The following ABCB5 variants were observed in gnomAD, a reference collection of about 807,000 sequenced individuals.
ABCB5 encodes the protein ATP-binding cassette sub-family B member 5.
Under a neutral mutation model 144.2 loss-of-function variants are expected in ABCB5, and 155 were observed. The observed-to-expected ratio is 1.08, with a 90% CI of 0.94 to 1.23. The LOEUF is 1.23. Among genes scored for constraint, ABCB5 ranks in the 50% most tolerant of loss-of-function variants. The pLI is 0.00. For missense variants in ABCB5, 1,830 were observed against 1,520.8 expected (o/e 1.20, Z -3.38); for synonymous variants, 610 against 528.6 (o/e 1.15, Z -2.11).
chr7:20,751,329 A>G (rs936672692), intron 26 of ABCB5, among the ~76,000 whole-genome samples: 4 of 152,118 alleles, frequency 2.6e-5, no homozygotes, highest in Non-Finnish European at 4.4e-5. Flanking sequence ...AAAATTAGCC[A>G]GGCGTGGTGG....
intron 9 of ABCB5, 112 bp from the exon 10 acceptor site, chr7:20,647,423 C>T: frequency 1.4e-6 from 2 of 1,386,996 alleles, no homozygotes; most frequent in Non-Finnish European, 9.3e-7. Flanking sequence ...TCTTTCTTAC[C>T]TAATTCCTCT....
At chr7:20,689,942 G>A (rs910450007) in intron 16 of ABCB5, among the ~76,000 whole-genome samples, 3 of 152,178 alleles carry the variant, frequency 2.0e-5, no homozygotes, top group Admixed American at 1.3e-4. Context: ...ACTAACGACA[G>A]GGGTAGGCAG....
At chr7:20,681,468 T>C (rs1336739702) in intron 14 of ABCB5, 37 bp from the exon 15 acceptor site, 7 of 1,608,246 alleles carry the variant, frequency 4.4e-6, no homozygotes, top group African/African-American at 1.3e-5. Flanking sequence ...TTATTTCTAC[T>C]AATGTCTATT....
rs185777564 is a variant in ABCB5, at chr7:20,733,677, C to T, written c.2867+5222C>T. 6.0e-3 allele frequency among the ~76,000 whole-genome samples: 909 copies of T among 150,560 alleles called. 7 individuals are homozygous for T. The highest frequency in any genetic ancestry group is 0.021 in the African/African-American group (853 of 40,948). On this transcript the variant is annotated intron_variant, in intron 23 of 27. Coordinates refer to ENST00000404938, the MANE Select transcript of ABCB5 (RefSeq NM_001163941.2). ...TTTTTAAGTTCGAGTCTCGCTCTGT[C>T]GCCCATGCTGGAGTGCAGTGGCACG...
rs560320066 is a variant in ABCB5, at chr7:20,688,725, C to T, written c.2010+2889C>T. Among the ~76,000 whole-genome samples the T allele has an allele frequency of 5.0e-3, 762 of 151,878 alleles. 3 individuals are homozygous for T. The highest frequency in any genetic ancestry group is 0.018 in the African/African-American group (731 of 41,388). On this transcript the variant is annotated intron_variant, in intron 16 of 27. Coordinates refer to ENST00000404938, the MANE Select transcript of ABCB5 (RefSeq NM_001163941.2). ...CAAAGACTTGGAACCAACCCAAATG[C>T]CCATCAATGATAGACTGGATTAAGA...
Position 20,743,063 on chromosome 7 carries a change from C to T in ABCB5, c.3211C>T (p.Gln1071Ter). ...QLLQRLYDPV[Q>*]GQVLFDGVDA... ...TCTGCAGAGACTTTATGACCCCGTG[C>T]AAGGACAAGTGGTAAGACAGAACTG... is the stretch of plus-strand genomic sequence containing the variant. Residue 1071 changes from glutamine to a stop codon, truncating the protein, a stop_gained, in exon 25 of 28, where the codon CAA becomes TAA. Coordinates refer to ENST00000404938, the MANE Select transcript of ABCB5 (RefSeq NM_001163941.2). LOFTEE classifies it high-confidence loss of function. The T allele has an allele frequency of 6.2e-7, 1 of 1,613,916 alleles. No homozygotes were observed. The highest frequency in any genetic ancestry group is 8.5e-7 in the Non-Finnish European group (1 of 1,179,882).
Position 20,712,019 on chromosome 7 carries a change from C to T in ABCB5, c.2421+7212C>T, listed in dbSNP as rs184952732. Among the ~76,000 whole-genome samples, 1,031 of 144,072 alleles carry T rather than the reference C, an allele frequency of 7.2e-3. 63 individuals carry two copies. The highest frequency in any genetic ancestry group is 0.017 in the South Asian group (73 of 4,424). The allele number at this position is 144,072 out of a possible 152,430, so 94.5% of individuals were successfully genotyped here. On this transcript the variant is annotated intron_variant, in intron 20 of 27. Transcript: ENST00000404938. ...CTTTGGGAGGCCGAGGCGGGTGGAC[C>T]ACGAGGTCAGGAGATTGAAACCATC...
chr7:20,660,054 C>T (rs1258640467), intron 14 of ABCB5: 2 of 985,224 alleles, frequency 2.0e-6, no homozygotes, highest in Admixed American at 6.2e-5. Flanking sequence ...ATGTTGTGCC[C>T]GCAGTATTTT....
intron 23 of ABCB5, among the ~76,000 whole-genome samples, chr7:20,734,897 A>T (rs1461908144): frequency 6.6e-6 from 1 of 152,216 alleles, no homozygotes; most frequent in Non-Finnish European, 1.5e-5. Context: ...ATTTCACTAT[A>T]AATGTGTAGA....
At chr7:20,714,458 G>C (rs28483721) in intron 20 of ABCB5, among the ~76,000 whole-genome samples, 4,314 of 151,706 alleles carry the variant, frequency 0.028, 186 homozygotes, top group African/African-American at 0.095. Context: ...CTATTTTTCT[G>C]GGTCTTTAAG....
intron 23 of ABCB5, among the ~76,000 whole-genome samples, chr7:20,732,023 G>C (rs1255157626): frequency 6.6e-6 from 1 of 152,154 alleles, no homozygotes. Flanking sequence ...ACTGAAATTT[G>C]AATAAAGCCA....
chr7:20,746,968 A>G (rs1015145197), intron 26 of ABCB5, among the ~76,000 whole-genome samples: 2 of 152,184 alleles, frequency 1.3e-5, no homozygotes, highest in African/African-American at 4.8e-5. Context: ...GCCAATAGCC[A>G]TCATACTCTC....
At chr7:20,692,575 T>C (rs1786267539) in intron 16 of ABCB5, among the ~76,000 whole-genome samples, 2 of 151,484 alleles carry the variant, frequency 1.3e-5, no homozygotes, top group Admixed American at 1.3e-4. Context: ...ATAGTAAATA[T>C]ACAAGTTACT....
chr7:20,711,853 C>CTTTCTTTTCTTTG (rs1787073650), intron 20 of ABCB5, among the ~76,000 whole-genome samples: 1 of 71,750 alleles, frequency 1.4e-5, no homozygotes, highest in Non-Finnish European at 2.6e-5. Flanking sequence ...TCTTTTCTTT[C>CTTTCTTTTCTTTG]TTTCTTTCCT....
At chr7:20,647,493 A>G in intron 9 of ABCB5, 42 bp from the exon 10 acceptor site, 1 of 1,514,298 alleles carries the variant, frequency 6.6e-7, no homozygotes, top group Non-Finnish European at 8.8e-7. Context: ...TCTTTCTTAT[A>G]TAACTGCAGA....
At chr7:20,749,076 CTCTT>C (rs1405976464) in intron 26 of ABCB5, among the ~76,000 whole-genome samples, 4 of 151,588 alleles carry the variant, frequency 2.6e-5, no homozygotes, top group Admixed American at 6.6e-5. Flanking sequence ...CCCTTTCTTT[CTCTT>C]TCTTTCTTGC....
intron 21 of ABCB5, 41 bp from the exon 22 acceptor site, chr7:20,726,999 T>A: frequency 7.1e-7 from 1 of 1,416,846 alleles, no homozygotes; most frequent in Non-Finnish European, 9.8e-7. Context: ...GATTAACCAT[T>A]ACTAATTTTA....
intron 21 of ABCB5, among the ~76,000 whole-genome samples, chr7:20,725,750 T>C (rs1386345726): frequency 6.6e-6 from 1 of 152,224 alleles, no homozygotes; most frequent in African/African-American, 2.4e-5. Flanking sequence ...AATTTTTTTA[T>C]ATTCATTCCT....
intron 15 of ABCB5, among the ~76,000 whole-genome samples, chr7:20,682,154 C>T (rs1162184220): frequency 6.6e-6 from 1 of 151,974 alleles, no homozygotes; most frequent in Non-Finnish European, 1.5e-5. Flanking sequence ...GCAGTGAGCC[C>T]AGATTGCGCC....
Sources: allele counts gnomAD v4.1 joint callset (sites outside exome capture counted in the v4.1 genomes callset), GRCh38; gene constraint gnomAD v4.1.1; transcripts MANE v1.5; gene names NCBI Gene and HGNC (gene_info 2026-07-23, HGNC 2026-07-21).